Variants in ZFP1 observed in about 807,000 individuals in gnomAD.
ZFP1 encodes the protein zinc finger protein 1 homolog.
Under a neutral mutation model 38.5 loss-of-function variants are expected in ZFP1, and 32 were observed. The ratio of observed to expected loss-of-function variants is 0.83; its 90% CI spans 0.63 to 1.12. The LOEUF (loss-of-function observed/expected upper bound fraction) is 1.12, where lower values mean the gene tolerates loss of function less well. Ranked by LOEUF, ZFP1 falls within the 50% of genes most tolerant of loss-of-function variation. The pLI, the probability that ZFP1 is intolerant of heterozygous loss-of-function variation, is 0.00. For missense variants in ZFP1, 616 were observed against 480.8 expected, an observed-to-expected ratio of 1.28 and a Z score of -2.63; for synonymous variants, 245 against 168.8, an observed-to-expected ratio of 1.45 and a Z score of -3.50.
chr16:75,151,931 A>AT (rs1302131315), intron 1 of ZFP1, among the ~76,000 whole-genome samples: 12 of 152,280 alleles, frequency 7.9e-5, no homozygotes, highest in Admixed American at 3.9e-4. Context: ...CTTCATTATC[A>AT]TTTTTGAAAG....
the ZFP1 span, among the ~76,000 whole-genome samples, chr16:75,140,318 C>G: frequency 2.0e-5 from 3 of 151,810 alleles, no homozygotes; most frequent in African/African-American, 7.3e-5. Context: ...CTTCTAATCC[C>G]AGCACCTTGG....
chr16:75,165,556 G>C (rs1007010047), intron 2 of ZFP1, among the ~76,000 whole-genome samples: 1 of 151,760 alleles, frequency 6.6e-6, no homozygotes, highest in Non-Finnish European at 1.5e-5. Context: ...TACCACACCC[G>C]GATAATTTTT....
At chr16:75,157,202 T>G (rs1957448588) in intron 2 of ZFP1, 1 of 151,942 alleles carries the variant, frequency 6.6e-6, no homozygotes, top group South Asian at 2.1e-4. Flanking sequence ...TGAGAAAGGG[T>G]TTGTGAGAGG....
At chr16:75,167,396 C>CTT (rs11417475) in intron 3 of ZFP1, among the ~76,000 whole-genome samples, 138 of 148,698 alleles carry the variant, frequency 9.3e-4, no homozygotes, top group Middle Eastern at 3.6e-3. Context: ...CCCTGCTTAC[C>CTT]TTTTTTTTTT....
intron 3 of ZFP1, among the ~76,000 whole-genome samples, chr16:75,168,221 C>T (rs62061179): frequency 2.6e-5 from 4 of 152,232 alleles, no homozygotes; most frequent in Non-Finnish European, 4.4e-5. Context: ...AATCTTCAGA[C>T]TGTTCTCCAC....
chr16:75,144,649 C>A (rs756989155), upstream of ZFP1, among the ~76,000 whole-genome samples: 3 of 152,192 alleles, frequency 2.0e-5, no homozygotes, highest in Non-Finnish European at 4.4e-5. Context: ...CCTTCCAGAA[C>A]TTTCTCATTA....
intron 2 of ZFP1, among the ~76,000 whole-genome samples, chr16:75,161,419 A>G (rs906986968): frequency 1.3e-5 from 2 of 151,726 alleles, no homozygotes; most frequent in Non-Finnish European, 1.5e-5. Context: ...ATGGTTCAGC[A>G]TGATCGTAAA....
At chr16:75,163,747 G>T (rs963398690) in intron 2 of ZFP1, among the ~76,000 whole-genome samples, 34 of 152,150 alleles carry the variant, frequency 2.2e-4, no homozygotes, top group African/African-American at 7.9e-4. Flanking sequence ...ACATAGCTGG[G>T]ACTACAGGTG....
rs540576045 is a variant in ZFP1, at chr16:75,162,349, C to T, written c.16-4421C>T. Among the ~76,000 whole-genome samples the T allele has an allele frequency of 7.9e-5, 12 of 151,966 alleles. 1 individual carries two copies. Among genetic ancestry groups the T allele is most frequent in the African/African-American group, 2.9e-4 (12 of 41,426 alleles). On this transcript the variant is annotated intron_variant, in intron 2 of 3. Coordinates refer to ENST00000570010, the MANE Select transcript of ZFP1 (RefSeq NM_153688.4). ...CTGTTGCCCAGACTGGTCTTGAACT[C>T]CTGACCTTAAGTGATCCACCTGCCT...
At chr16:75,144,724 G>A (rs1386059790), upstream of ZFP1, among the ~76,000 whole-genome samples, 4 of 152,108 alleles carry the variant, frequency 2.6e-5, no homozygotes, top group African/African-American at 9.7e-5. Context: ...CCAGTCCCTG[G>A]TAACTCTGTT....
chr16:75,165,286 C>T (rs2038009769), intron 2 of ZFP1, among the ~76,000 whole-genome samples: 1 of 152,220 alleles, frequency 6.6e-6, no homozygotes. Context: ...TCAACCAACT[C>T]ATTCTAAATA....
chr16:75,157,902 C>T (rs1017776118), intron 2 of ZFP1, among the ~76,000 whole-genome samples: 5 of 152,040 alleles, frequency 3.3e-5, no homozygotes, highest in African/African-American at 1.2e-4. Context: ...TTCAAGTGAT[C>T]CTCCCAGTAT....
the ZFP1 span, among the ~76,000 whole-genome samples, chr16:75,124,051 G>A: frequency 2.8e-4 from 42 of 151,682 alleles, no homozygotes; most frequent in Middle Eastern, 3.2e-3. Context: ...CCAAGATTGC[G>A]CCTCTGCACT....
rs1179824860 is a variant in ZFP1 at position 75,170,551 on chromosome 16, A to G, written c.*217A>G. On this transcript the variant is annotated 3_prime_UTR_variant, in exon 4 of 4. Transcript: ENST00000570010. ...CATATCAGAATATATCCAGTTGTAA[A>G]TAGCCATACCCAGTTGTACTACAAT... 3.4e-6 allele frequency: 2 copies of G among 588,540 alleles called. No homozygotes were observed. Among genetic ancestry groups the G allele is most frequent in the African/African-American group, 3.7e-5 (2 of 53,826 alleles). 36.5% of individuals were successfully genotyped at this position (588,540 alleles called of 1,614,324 possible).
chr16:75,145,864 C>T (rs1357850602), upstream of ZFP1, among the ~76,000 whole-genome samples: 2 of 152,166 alleles, frequency 1.3e-5, no homozygotes, highest in African/African-American at 4.8e-5. Flanking sequence ...ATTAAGAGGG[C>T]AGGGTGTAAA....
At position 75,162,436 on chromosome 16, in the gene ZFP1, C is replaced by A. The variant is rs537547253; in HGVS notation, c.16-4334C>A. On this transcript the variant is annotated intron_variant, in intron 2 of 3. Transcript: ENST00000570010. ...TGCGTCCAGCCCAAGTATAGGTCAA[C>A]TTAATTATCCGCCTATTTTGCTGTC... 3.3e-5 allele frequency among the ~76,000 whole-genome samples: 5 copies of A among 152,222 alleles called. No homozygotes were observed. The South Asian group carries it at 1.0e-3, about 32-fold the overall frequency.
chr16:75,167,162 T>TAGCAGAAGAGTTTC (rs2038135214), intron 3 of ZFP1, among the ~76,000 whole-genome samples: 2 of 152,072 alleles, frequency 1.3e-5, no homozygotes, highest in Non-Finnish European at 2.9e-5. Flanking sequence ...AGAAGAGTTT[T>TAGCAGAAGAGTTTC]GGGTAGCATA....
intron 2 of ZFP1, among the ~76,000 whole-genome samples, chr16:75,164,065 G>A (rs2037928944): frequency 6.6e-6 from 1 of 152,192 alleles, no homozygotes; most frequent in Non-Finnish European, 1.5e-5. Context: ...TTTGGGTCAT[G>A]TTATGTGCAT....
intron 2 of ZFP1, among the ~76,000 whole-genome samples, chr16:75,155,425 C>T (rs1031291356): frequency 3.3e-5 from 5 of 152,294 alleles, no homozygotes; most frequent in Middle Eastern, 6.8e-3. Flanking sequence ...TGTGAGCCAC[C>T]GTGCTCAGCC....
Sources: gnomAD v4.1 joint callset for allele counts (sites outside exome capture counted in the v4.1 genomes callset) on GRCh38, gnomAD v4.1.1 for gene constraint, MANE v1.5 for transcripts, NCBI Gene and HGNC (gene_info 2026-07-23, HGNC 2026-07-21) for gene names.